CPED1: variants seen among roughly 807,000 people sequenced by gnomAD.
The protein encoded by CPED1 is cadherin like and PC-esterase domain containing 1, also known as cadherin-like and PC-esterase domain-containing protein 1.
Under a neutral mutation model 128.2 loss-of-function variants are expected in CPED1, and 114 were observed. The ratio of observed to expected loss-of-function variants is 0.89; its 90% CI spans 0.76 to 1.04. The LOEUF (loss-of-function observed/expected upper bound fraction) is 1.04. Ranked by LOEUF, CPED1 falls within the 50% of genes least tolerant of loss-of-function variation. CPED1 has a pLI of 0.00. For missense variants in CPED1, 1,211 were observed against 1,207.1 expected (o/e 1.00, Z -0.05); for synonymous variants, 462 against 426.7 (o/e 1.08, Z -1.02).
intron 3 of CPED1, among the ~76,000 whole-genome samples, chr7:121,040,816 T>C (rs1188345261): frequency 6.6e-6 from 1 of 152,090 alleles, no homozygotes; most frequent in African/African-American, 2.4e-5. Context: ...TGTATCCTTA[T>C]GGAATATGAT....
At chr7:121,097,986 A>T (rs970666740) in intron 6 of CPED1, among the ~76,000 whole-genome samples, 155 bp downstream of exon 6, 1 of 152,164 alleles carries the variant, frequency 6.6e-6, no homozygotes, top group African/African-American at 2.4e-5. Flanking sequence ...AAAGAATGCC[A>T]TCATTGACTT....
intron 11 of CPED1, among the ~76,000 whole-genome samples, chr7:121,129,315 A>ACG (rs1563037580): frequency 3.2e-4 from 31 of 95,864 alleles, no homozygotes; most frequent in African/African-American, 1.3e-3. Context: ...ATATATACGT[A>ACG]TATATATATA....
At chr7:121,074,658 A>G (rs1404540136) in intron 5 of CPED1, among the ~76,000 whole-genome samples, 1 of 151,836 alleles carries the variant, frequency 6.6e-6, no homozygotes, top group Non-Finnish European at 1.5e-5. Context: ...TGTTACCCTG[A>G]CATTTTTTAA....
intron 2 of CPED1, among the ~76,000 whole-genome samples, chr7:121,003,968 T>C (rs1162821450): frequency 6.6e-6 from 1 of 152,198 alleles, no homozygotes; most frequent in Non-Finnish European, 1.5e-5. Context: ...ATGTGGAATG[T>C]GGTACCTCTT....
chr7:121,248,361 C>G (rs1244998348), intron 18 of CPED1, among the ~76,000 whole-genome samples: 1 of 152,116 alleles, frequency 6.6e-6, no homozygotes, highest in Non-Finnish European at 1.5e-5. Flanking sequence ...AATGCAGACA[C>G]AGTACCAGTG....
chr7:121,289,146 T>A (rs928975279), intron 22 of CPED1, among the ~76,000 whole-genome samples: 4 of 152,160 alleles, frequency 2.6e-5, no homozygotes, highest in Non-Finnish European at 5.9e-5. Flanking sequence ...CCACAGGGAT[T>A]CCTCACTACA....
chr7:121,262,270 A>G (rs1410666317), intron 18 of CPED1, among the ~76,000 whole-genome samples: 2 of 152,020 alleles, frequency 1.3e-5, no homozygotes, highest in Non-Finnish European at 1.5e-5. Flanking sequence ...CTGTGAGCCA[A>G]ATAAATCTTT....
chr7:121,113,676 AAG>A (rs1422119315), intron 7 of CPED1, among the ~76,000 whole-genome samples: 1 of 152,062 alleles, frequency 6.6e-6, no homozygotes, highest in Non-Finnish European at 1.5e-5. Flanking sequence ...AAGGAAGAGA[AAG>A]AGACACAGGA....
At chr7:121,283,057 A>G (rs758958254) in intron 22 of CPED1, among the ~76,000 whole-genome samples, 2 of 152,240 alleles carry the variant, frequency 1.3e-5, no homozygotes, top group Non-Finnish European at 2.9e-5. Flanking sequence ...AATTAAAAAT[A>G]AGTATATACA....
At chr7:121,277,131 T>A (rs1792345853) in intron 22 of CPED1, among the ~76,000 whole-genome samples, 1 of 151,986 alleles carries the variant, frequency 6.6e-6, no homozygotes, top group Non-Finnish European at 1.5e-5. Flanking sequence ...TTTTAAAAAA[T>A]GATATCTATA....
At chr7:120,992,282 T>C (rs948612501) in intron 2 of CPED1, among the ~76,000 whole-genome samples, 18 of 152,322 alleles carry the variant, frequency 1.2e-4, no homozygotes, top group Admixed American at 7.2e-4. Context: ...TTGTTATTAC[T>C]TTTATTTAGT....
In CPED1 at chr7:121,106,062, A is replaced by G. The variant is rs1794967424; in HGVS notation, c.918+5968A>G. Among the ~76,000 whole-genome samples the G allele has an allele frequency of 2.0e-5, 3 of 152,130 alleles. No homozygotes were observed. The South Asian group carries it at 6.2e-4, about 31-fold the overall frequency. On this transcript the variant is annotated intron_variant, in intron 7 of 22. Coordinates refer to ENST00000310396, the MANE Select transcript of CPED1 (RefSeq NM_024913.5). ...GTTCCTGGCGCATGGCAGATGCTCA[A>G]AAATGTTTATCAGTGAATCGTTGTC...
rs535694622 is a variant in CPED1, at chr7:121,210,840, G to A, written c.2056-25874G>A. Among the ~76,000 whole-genome samples, 92 of 151,906 alleles carry A rather than the reference G, an allele frequency of 6.1e-4. No homozygotes were observed. The South Asian group carries it at 0.019, about 31-fold the overall frequency. The stretch of plus-strand genomic sequence containing the variant: ...TGTTTCTAACACAAAGAAATGATGA[G>A]TACTCAAAGTGATGGAAACCCTATT... On this transcript the variant is annotated intron_variant, in intron 16 of 22. Transcript: ENST00000310396.
intron 16 of CPED1, among the ~76,000 whole-genome samples, chr7:121,187,011 C>G (rs146397145): frequency 6.6e-6 from 1 of 152,188 alleles, no homozygotes; most frequent in African/African-American, 2.4e-5. Flanking sequence ...GGAGCACATT[C>G]ATTCATTCAT....
chr7:121,064,786 T>C (rs1182861349), intron 5 of CPED1, among the ~76,000 whole-genome samples: 1 of 152,300 alleles, frequency 6.6e-6, no homozygotes, highest in East Asian at 1.9e-4. Context: ...TTAACTATGT[T>C]AGGAATTTGG....
At chr7:121,248,204 A>G (rs1186716128) in intron 18 of CPED1, among the ~76,000 whole-genome samples, 1 of 140,130 alleles carries the variant, frequency 7.1e-6, no homozygotes, top group African/African-American at 2.5e-5. Context: ...TCAGAGCACT[A>G]AGAGGGATGA....
intron 14 of CPED1, among the ~76,000 whole-genome samples, chr7:121,137,629 A>G (rs1332543749): frequency 1.3e-5 from 2 of 152,112 alleles, no homozygotes; most frequent in Non-Finnish European, 2.9e-5. Flanking sequence ...GTATATAGCC[A>G]ATTAAAGAAA....
intron 5 of CPED1, 121 bp downstream of exon 5, chr7:121,064,434 C>A: frequency 1.5e-6 from 1 of 675,388 alleles, no homozygotes; most frequent in African/African-American, 1.8e-5. Context: ...ATTCGGCAAT[C>A]ACAGATCTTC....
At chr7:121,111,837 A>C in intron 7 of CPED1, among the ~76,000 whole-genome samples, 1 of 152,204 alleles carries the variant, frequency 6.6e-6, no homozygotes, top group Admixed American at 6.5e-5. Flanking sequence ...TAAAAGGCAA[A>C]TTGAATCAGT....
Sources: allele counts gnomAD v4.1 joint callset (sites outside exome capture counted in the v4.1 genomes callset), GRCh38; gene constraint gnomAD v4.1.1; transcripts MANE v1.5; gene names NCBI Gene and HGNC (gene_info 2026-07-23, HGNC 2026-07-21).